Variants in TMOD1 observed in about 807,000 individuals in gnomAD.
TMOD1 encodes tropomodulin-1.
TMOD1 carries 17 observed loss-of-function variants against 40.6 expected under a neutral mutation model. The ratio of observed to expected loss-of-function variants is 0.42; its 90% CI spans 0.29 to 0.63. The LOEUF (loss-of-function observed/expected upper bound fraction) is 0.63. TMOD1 is among the 20% of genes least tolerant of loss of function. TMOD1 has a pLI of 0.22. For missense variants in TMOD1, 391 were observed against 447.6 expected, an observed-to-expected ratio of 0.87 and a Z score of 1.14; for synonymous variants, 181 against 175.0, an observed-to-expected ratio of 1.03 and a Z score of -0.27.
At chr9:97,514,537 C>T (rs1829768571) in intron 1 of TMOD1, among the ~76,000 whole-genome samples, 1 of 152,162 alleles carries the variant, frequency 6.6e-6, no homozygotes, top group Non-Finnish European at 1.5e-5. Context: ...CTCACTGCTT[C>T]CTGGGGATGG....
intron 1 of TMOD1, among the ~76,000 whole-genome samples, chr9:97,507,321 A>G (rs543407413): frequency 2.4e-4 from 37 of 152,362 alleles, no homozygotes; most frequent in African/African-American, 7.9e-4. Context: ...GACTTCCTCC[A>G]TGCAAACCAA....
chr9:97,505,012 C>CTTTTG (rs977454219), intron 1 of TMOD1, among the ~76,000 whole-genome samples: 2 of 152,208 alleles, frequency 1.3e-5, no homozygotes, highest in African/African-American at 2.4e-5. Flanking sequence ...CATTTCCTCT[C>CTTTTG]TTTTGTTTTG....
intron 4 of TMOD1, among the ~76,000 whole-genome samples, chr9:97,561,876 A>C (rs1405219415): frequency 1.3e-5 from 2 of 151,220 alleles, no homozygotes; most frequent in Non-Finnish European, 3.0e-5. Context: ...ACCAACACTT[A>C]CTCCTCCTTT....
intron 2 of TMOD1, among the ~76,000 whole-genome samples, chr9:97,532,058 C>G (rs1345249103): frequency 3.3e-5 from 5 of 152,222 alleles, no homozygotes; most frequent in Non-Finnish European, 7.3e-5. Context: ...GACACTCTTG[C>G]CATCCAGGAA....
At chr9:97,573,143 CTGCAGGCCCGGCCCAGGCCA>C (rs1830848610) in intron 8 of TMOD1, among the ~76,000 whole-genome samples, 3 of 152,212 alleles carry the variant, frequency 2.0e-5, no homozygotes. Flanking sequence ...CCGAGGGAGC[CTGCAGGCCCGGCCCAGGCCA>C]AGCAGGCCAT....
At chr9:97,564,013 A>G (rs376815846) in intron 5 of TMOD1, 25 bp from the exon 6 acceptor site, 170 of 1,598,426 alleles carry the variant, frequency 1.1e-4, no homozygotes, top group Non-Finnish European at 1.4e-4. Context: ...TCTGTGAGCC[A>G]CCTCCCTTTC....
At chr9:97,574,362 G>A (rs867040387) in intron 8 of TMOD1, among the ~76,000 whole-genome samples, 9 of 152,320 alleles carry the variant, frequency 5.9e-5, no homozygotes, top group African/African-American at 2.2e-4. Flanking sequence ...TTAGCACCTG[G>A]GCCAGCAGCT....
At chr9:97,592,750 T>C (rs1192176908) in intron 9 of TMOD1, among the ~76,000 whole-genome samples, 6 of 152,192 alleles carry the variant, frequency 3.9e-5, no homozygotes, top group East Asian at 1.9e-4. Context: ...ACACACACTT[T>C]AGATCGAGTT....
intron 4 of TMOD1, among the ~76,000 whole-genome samples, chr9:97,556,362 C>T (rs1203538293): frequency 1.3e-5 from 2 of 152,178 alleles, no homozygotes; most frequent in African/African-American, 2.4e-5. Context: ...GGCTGGACTT[C>T]GAACATGGTG....
intron 1 of TMOD1, among the ~76,000 whole-genome samples, chr9:97,506,651 C>G (rs1030976383): frequency 6.6e-6 from 1 of 152,174 alleles, no homozygotes; most frequent in African/African-American, 2.4e-5. Context: ...TCACAGTAAC[C>G]CCATGAGGGA....
chr9:97,518,049 T>C (rs1253448151), intron 1 of TMOD1, among the ~76,000 whole-genome samples: 1 of 152,204 alleles, frequency 6.6e-6, no homozygotes, highest in South Asian at 2.1e-4. Flanking sequence ...ACGTCCGCGA[T>C]GGGCCCCCCA....
At chr9:97,501,380 C>T (rs563552634), upstream of TMOD1, 1 of 152,252 alleles carries the variant, frequency 6.6e-6, no homozygotes, top group Non-Finnish European at 1.5e-5. Flanking sequence ...CCACCTTTTC[C>T]CACATAACTC....
intron 3 of TMOD1, among the ~76,000 whole-genome samples, chr9:97,550,743 TA>T (rs1269092982): frequency 6.6e-6 from 1 of 152,144 alleles, no homozygotes; most frequent in African/African-American, 2.4e-5. Flanking sequence ...TGTTGAGTTG[TA>T]AAAGTTCTTT....
chr9:97,503,166 GCC>G (rs1322859780), intron 1 of TMOD1, among the ~76,000 whole-genome samples: 1 of 152,126 alleles, frequency 6.6e-6, no homozygotes, highest in Non-Finnish European at 1.5e-5. Flanking sequence ...GGGCCGCAGA[GCC>G]CCCTGCTCAA....
At chr9:97,555,813 G>GCATTTAACCACACCT in intron 4 of TMOD1, 1 of 991,958 alleles carries the variant, frequency 1.0e-6, no homozygotes, top group Non-Finnish European at 1.6e-6. Flanking sequence ...AGTAGGCAAG[G>GCATTTAACCACACCT]TGTGGTTAAA....
chr9:97,536,199 A>G (rs1830181433), intron 2 of TMOD1, among the ~76,000 whole-genome samples: 1 of 152,172 alleles, frequency 6.6e-6, no homozygotes, highest in Admixed American at 6.5e-5. Context: ...AGTTTTTCAT[A>G]AGGAGAAACC....
At chr9:97,545,886 A>C (rs1830352367) in intron 2 of TMOD1, among the ~76,000 whole-genome samples, 1 of 151,520 alleles carries the variant, frequency 6.6e-6, no homozygotes, top group African/African-American at 2.4e-5. Flanking sequence ...GGCTGCCTTG[A>C]CCCCTCACCT....
Position 97,553,309 on chromosome 9 carries a change from A to C in TMOD1, c.306A>C (p.Pro102=). The C allele has an allele frequency of 6.2e-7, 1 of 1,614,194 alleles. No homozygotes were observed. Among genetic ancestry groups the C allele is most frequent in the Non-Finnish European group, 8.5e-7 (1 of 1,180,022 alleles). ...RGKVWVPKQK[P]LDPVLESVTL... ...AGGTCTGGGTTCCTAAGCAGAAGCC[A>C]CTGGATCCTGTGCTGGAAAGTGTGA... is the stretch of plus-strand genomic sequence containing the variant. The change falls in exon 4 of 10, where the codon CCA becomes CCC. Residue 102 remains proline (P), a synonymous_variant. Coordinates refer to ENST00000259365, the MANE Select transcript of TMOD1 (RefSeq NM_003275.4).
rs1829739088 is a variant in TMOD1 at position 97,513,379 on chromosome 9, A to T, written c.-48-10762A>T. ...CAAAGTGGTATGCCTGAGGCTGCCC[A>T]GTCAGCTAGAGCCAGGGGTAGGGAT... On this transcript the variant is annotated intron_variant, in intron 1 of 9. Coordinates refer to ENST00000259365, the MANE Select transcript of TMOD1 (RefSeq NM_003275.4). The surrounding 1 kb of genome is among the most constrained non-coding windows in gnomAD (Gnocchi z 4.1). Among the ~76,000 whole-genome samples, 1 of 152,312 alleles carries T rather than the reference A, an allele frequency of 6.6e-6. No individual in the cohort carries two copies. The highest frequency in any genetic ancestry group is 1.9e-4 in the East Asian group (1 of 5,190).
Sources: allele counts gnomAD v4.1 joint callset (sites outside exome capture counted in the v4.1 genomes callset), GRCh38; gene constraint gnomAD v4.1.1; non-coding constraint Gnocchi (gnomAD v3.1); transcripts MANE v1.5; gene names NCBI Gene and HGNC (gene_info 2026-07-23, HGNC 2026-07-21).